The following GALNTL6 variants were observed in gnomAD, a reference collection of about 807,000 sequenced individuals.
The protein encoded by GALNTL6 is polypeptide N-acetylgalactosaminyltransferase-like 6.
A neutral mutation model predicts 73.7 loss-of-function variants in GALNTL6; 46 were observed. The observed-to-expected ratio is 0.62, with a 90% CI of 0.49 to 0.80. The LOEUF (loss-of-function observed/expected upper bound fraction) is 0.80. Among genes scored for constraint, GALNTL6 ranks in the 30% least tolerant of loss-of-function variants. The pLI is 0.00. For synonymous variants in GALNTL6, 259 were observed against 263.7 expected, an observed-to-expected ratio of 0.98 and a Z score of 0.17; for missense variants, 604 against 755.0, an observed-to-expected ratio of 0.80 and a Z score of 2.34.
At chr4:172,294,370 A>C (rs1739587743) in intron 3 of GALNTL6, among the ~76,000 whole-genome samples, 1 of 152,196 alleles carries the variant, frequency 6.6e-6, no homozygotes, top group Admixed American at 6.6e-5. Context: ...GATGTAGTTA[A>C]AAATGTTCAG....
At chr4:172,521,213 T>C (rs1734763857) in intron 5 of GALNTL6, among the ~76,000 whole-genome samples, 3 of 152,162 alleles carry the variant, frequency 2.0e-5, no homozygotes, top group African/African-American at 7.2e-5. Context: ...ATGAGAATAC[T>C]AAACTTTAAG....
At chr4:172,046,992 G>A (rs531359874) in intron 2 of GALNTL6, among the ~76,000 whole-genome samples, 2 of 152,198 alleles carry the variant, frequency 1.3e-5, no homozygotes, top group East Asian at 3.9e-4. Context: ...ACATTGAGAC[G>A]TCAAGGGGAT....
intron 2 of GALNTL6, among the ~76,000 whole-genome samples, chr4:172,134,454 T>A (rs1188400682): frequency 1.3e-5 from 2 of 152,092 alleles, no homozygotes; most frequent in Non-Finnish European, 2.9e-5. Context: ...TTATTCATCT[T>A]AATGACCTAC....
chr4:172,041,666 A>G (rs1232878092), intron 2 of GALNTL6, among the ~76,000 whole-genome samples: 3 of 152,098 alleles, frequency 2.0e-5, no homozygotes, highest in African/African-American at 7.2e-5. Flanking sequence ...CACATTGATT[A>G]CTTATGGTAT....
intron 5 of GALNTL6, among the ~76,000 whole-genome samples, chr4:172,801,777 C>G (rs1740660135): frequency 6.6e-6 from 1 of 152,108 alleles, no homozygotes; most frequent in African/African-American, 2.4e-5. Flanking sequence ...ACAGTTGCCC[C>G]TTGAACAACA....
At position 172,067,839 on chromosome 4, in the gene GALNTL6, T is replaced by C. The variant is rs113613821; in HGVS notation, c.139-161817T>C. 3.6e-5 allele frequency among the ~76,000 whole-genome samples: 4 copies of C among 110,116 alleles called. 2 individuals carry two copies. The highest frequency in any genetic ancestry group is 1.4e-4 in the African/African-American group (4 of 29,176). The allele number at this position is 110,116 out of a possible 152,430, so 72.2% of individuals were successfully genotyped here. A position where few individuals can be genotyped will look rare whatever the true frequency, so the allele number is the denominator to read the frequency against. On this transcript the variant is annotated intron_variant, in intron 2 of 12. Transcript: ENST00000506823. ...CCTGACCAAAGGTGAAAACAGAGCT[T>C]TCATTGGGCTGATTAGTTGAGCCAT...
intron 2 of GALNTL6, among the ~76,000 whole-genome samples, chr4:171,994,264 A>G (rs7661597): frequency 0.98 from 149,444 of 152,148 alleles, 73,449 homozygotes; most frequent in Middle Eastern, 1. Context: ...TGCTAATACT[A>G]GAGCAGAAGG....
intron 2 of GALNTL6, among the ~76,000 whole-genome samples, chr4:172,135,407 AAGAGAGAGAGAG>A (rs10602453): frequency 1.3e-5 from 2 of 149,780 alleles, no homozygotes; most frequent in Non-Finnish European, 3.0e-5. Flanking sequence ...ACTTAGGAAA[AAGAGAGAGAGAG>A]AGAGAGAGAA....
At chr4:173,019,667 C>G (rs1226404165) in intron 11 of GALNTL6, among the ~76,000 whole-genome samples, 1 of 152,208 alleles carries the variant, frequency 6.6e-6, no homozygotes, top group Non-Finnish European at 1.5e-5. Flanking sequence ...TTTCAAATGT[C>G]TATTCTAAAA....
chr4:172,269,018 A>G (rs756035318), intron 3 of GALNTL6, among the ~76,000 whole-genome samples: 2 of 152,104 alleles, frequency 1.3e-5, no homozygotes, highest in Admixed American at 6.6e-5. Context: ...AGCGTGGCCC[A>G]TCACATCTCT....
chr4:172,665,769 C>T (rs1731627359), intron 5 of GALNTL6, among the ~76,000 whole-genome samples: 1 of 152,088 alleles, frequency 6.6e-6, no homozygotes, highest in Admixed American at 6.5e-5. Context: ...AATAAATAAA[C>T]TAATGTCATT....
intron 5 of GALNTL6, among the ~76,000 whole-genome samples, chr4:172,408,149 G>A (rs1254670312): frequency 1.3e-5 from 2 of 151,868 alleles, no homozygotes; most frequent in Non-Finnish European, 2.9e-5. Flanking sequence ...TTATTGACCC[G>A]TGAACTTGAA....
chr4:172,340,212 ATTTCGTCAAATAC>A (rs1348746763), intron 4 of GALNTL6, among the ~76,000 whole-genome samples: 3 of 152,010 alleles, frequency 2.0e-5, no homozygotes, highest in Non-Finnish European at 4.4e-5. Context: ...AAATGTGTCT[ATTTCGTCAAATAC>A]TTTCTCTGCA....
intron 2 of GALNTL6, among the ~76,000 whole-genome samples, chr4:171,900,569 C>T (rs548750729): frequency 7.2e-5 from 11 of 151,844 alleles, no homozygotes; most frequent in East Asian, 5.8e-4. Context: ...CCACCCACCT[C>T]GGCTTCCCAA....
intron 8 of GALNTL6, among the ~76,000 whole-genome samples, chr4:172,913,941 C>T (rs115155988): frequency 0.014 from 2,199 of 152,168 alleles, 50 homozygotes; most frequent in African/African-American, 0.051. Flanking sequence ...ACATAATTGT[C>T]AGAGTCATCA....
In GALNTL6 at chr4:172,930,278, C is replaced by CA. The variant is rs201282467; in HGVS notation, c.1042-871dup. Among the ~76,000 whole-genome samples the CA allele has an allele frequency of 1.4e-3, 196 of 135,738 alleles. No individual in the cohort carries two copies. In the East Asian group the frequency reaches 0.017, roughly 12 times the overall value. The allele number at this position is 135,738 out of a possible 152,430, so 89.0% of individuals were successfully genotyped here. Reference sequence around the variant, plus strand: ...AGGCAACAAGAGTGAAACTCCATCTCAAAAAAAAAAAAGTACAGCATCTTA... The same window carrying CA: ...AGGCAACAAGAGTGAAACTCCATCTCAAAAAAAAAAAAAGTACAGCATCTTA... On this transcript the variant is annotated intron_variant, in intron 8 of 12. Coordinates refer to ENST00000506823, the MANE Select transcript of GALNTL6 (RefSeq NM_001034845.3).
chr4:172,313,949 C>T (rs192558260), intron 4 of GALNTL6, among the ~76,000 whole-genome samples: 1 of 152,246 alleles, frequency 6.6e-6, no homozygotes, highest in Admixed American at 6.5e-5. Flanking sequence ...CTGATGTCAC[C>T]TCTGATTTTG....
intron 5 of GALNTL6, among the ~76,000 whole-genome samples, chr4:172,538,555 G>T (rs1038711817): frequency 6.6e-6 from 1 of 152,166 alleles, no homozygotes; most frequent in Admixed American, 6.5e-5. Flanking sequence ...AGCAATGAAT[G>T]CTGGGTGGGA....
At chr4:172,021,396 A>G (rs1741396279) in intron 2 of GALNTL6, among the ~76,000 whole-genome samples, 6 of 152,062 alleles carry the variant, frequency 3.9e-5, no homozygotes, top group Admixed American at 3.9e-4. Flanking sequence ...AAGAAGTGAA[A>G]GATATCTACA....
Sources: allele counts gnomAD v4.1 joint callset (sites outside exome capture counted in the v4.1 genomes callset), GRCh38; gene constraint gnomAD v4.1.1; transcripts MANE v1.5; gene names NCBI Gene and HGNC (gene_info 2026-07-23, HGNC 2026-07-21).